Variants in RNF111 observed in about 807,000 individuals in gnomAD.
The protein encoded by RNF111 is ring finger protein 111.
RNF111 carries 17 observed loss-of-function variants against 95.1 expected under a neutral mutation model. That is an observed-to-expected ratio of 0.18 (90% confidence interval 0.12 to 0.27). The LOEUF is 0.27. Among genes scored for constraint, RNF111 ranks in the 10% least tolerant of loss-of-function variants. RNF111 has a pLI of 1.00. For synonymous variants in RNF111, 440 were observed against 414.8 expected (o/e 1.06, Z -0.74); for missense variants, 1,189 against 1,210.4 (o/e 0.98, Z 0.26).
At chr15:59,022,583 G>A (rs2040398736) in intron 1 of RNF111, among the ~76,000 whole-genome samples, 1 of 152,186 alleles carries the variant, frequency 6.6e-6, no homozygotes, top group Non-Finnish European at 1.5e-5. Flanking sequence ...CCCTTGTGCA[G>A]TCCTCTTTTA....
chr15:59,002,717 T>C (rs1405270071), intron 1 of RNF111, among the ~76,000 whole-genome samples: 2 of 152,232 alleles, frequency 1.3e-5, no homozygotes, highest in Non-Finnish European at 2.9e-5. Flanking sequence ...CACAGTTCCC[T>C]ACAGGCTCTA....
At chr15:59,007,588 T>C (rs1567206072) in intron 1 of RNF111, among the ~76,000 whole-genome samples, 1 of 152,194 alleles carries the variant, frequency 6.6e-6, no homozygotes, top group Non-Finnish European at 1.5e-5. Flanking sequence ...GATCATACGT[T>C]AGATGTGTGC....
At chr15:58,996,050 A>G (rs1381502919) in intron 1 of RNF111, among the ~76,000 whole-genome samples, 2 of 152,138 alleles carry the variant, frequency 1.3e-5, no homozygotes, top group African/African-American at 4.8e-5. Flanking sequence ...CGTAAGACTC[A>G]GCAACTTATT....
At chr15:59,081,349 C>T in intron 8 of RNF111, 65 bp downstream of exon 8, 1 of 1,375,232 alleles carries the variant, frequency 7.3e-7, no homozygotes, top group Non-Finnish European at 1.0e-6. Context: ...TTGGTCTTTA[C>T]AACTCTGAAA....
intron 12 of RNF111, among the ~76,000 whole-genome samples, chr15:59,091,900 C>T (rs1174781564): frequency 6.6e-6 from 1 of 152,172 alleles, no homozygotes; most frequent in African/African-American, 2.4e-5. Context: ...AGGGTTCACG[C>T]TTCTATGAGA....
At chr15:59,073,491 A>AAAT (rs201011939) in intron 6 of RNF111, among the ~76,000 whole-genome samples, 6 of 139,692 alleles carry the variant, frequency 4.3e-5, no homozygotes, top group African/African-American at 1.7e-4. Context: ...CAAAAAAAAA[A>AAAT]AAAATAAATA....
At chr15:59,040,327 T>G (rs1217236742) in intron 2 of RNF111, among the ~76,000 whole-genome samples, 2 of 152,052 alleles carry the variant, frequency 1.3e-5, no homozygotes, top group African/African-American at 4.8e-5. Context: ...GAGATCTTCT[T>G]AACGTTGCCC....
At chr15:59,045,753 C>G (rs2041679012) in intron 2 of RNF111, among the ~76,000 whole-genome samples, 1 of 152,224 alleles carries the variant, frequency 6.6e-6, no homozygotes, top group Non-Finnish European at 1.5e-5. Flanking sequence ...AGTAACATGT[C>G]TGCAAAGTCA....
rs1470024357 is a variant in RNF111, at chr15:59,080,951, G to A, written c.1964G>A (p.Arg655Lys). The A allele has an allele frequency of 1.2e-6, 2 of 1,611,268 alleles. No homozygotes were observed. The highest frequency in any genetic ancestry group is 1.7e-6 in the Non-Finnish European group (2 of 1,178,528). The change falls in exon 8 of 14, where the codon AGG (arginine) becomes AAG (lysine). Residue 655 changes from arginine (R) to lysine (K), a missense_variant. This residue lies in a region of RNF111 where 1,024 missense variants were observed against 925.9 expected (regional missense o/e 1.11). Coordinates refer to ENST00000348370, the MANE Select transcript of RNF111 (RefSeq NM_017610.8). ...YMPPPYASLT[R>K]PLHHQASACP... ...TTTCTTGCAGATGCCTCTTTGACAA[G>A]GCCACTTCATCATCAAGCTTCTGCC...
intron 6 of RNF111, among the ~76,000 whole-genome samples, chr15:59,074,721 G>A (rs1413350896): frequency 3.3e-5 from 5 of 152,194 alleles, no homozygotes; most frequent in African/African-American, 1.2e-4. Flanking sequence ...GTGTTCACTG[G>A]AGTGCTTTCA....
At chr15:58,989,123 C>T (rs2141333213) in intron 1 of RNF111, among the ~76,000 whole-genome samples, 1 of 152,172 alleles carries the variant, frequency 6.6e-6, no homozygotes, top group Admixed American at 6.5e-5. Context: ...ACTTCTGTAA[C>T]GCTGGACTTA....
intron 1 of RNF111, among the ~76,000 whole-genome samples, chr15:59,015,220 T>C (rs1451221659): frequency 3.3e-5 from 5 of 152,236 alleles, no homozygotes; most frequent in Non-Finnish European, 7.3e-5. Context: ...TAAAATATGA[T>C]GGATAAGATA....
In RNF111 at chr15:59,069,994, A is replaced by G. The variant is rs1240735195; in HGVS notation, c.1686+2911A>G. Among the ~76,000 whole-genome samples the G allele has an allele frequency of 2.2e-4, 14 of 63,664 alleles. No homozygotes were observed. The Admixed American group carries it at 2.7e-3, about 12-fold the overall frequency. 41.8% of individuals were successfully genotyped at this position (63,664 alleles called of 152,430 possible). A position where few individuals can be genotyped will look rare whatever the true frequency, so the allele number is the denominator to read the frequency against. On this transcript the variant is annotated intron_variant, in intron 6 of 13. Coordinates refer to ENST00000348370, the MANE Select transcript of RNF111 (RefSeq NM_017610.8). Reference sequence around the variant, plus strand: ...TTTCATCCCTACCCACCCCTGCCACACCATCCCCACCCCCCAACCCCACCC... The same window carrying G: ...TTTCATCCCTACCCACCCCTGCCACGCCATCCCCACCCCCCAACCCCACCC...
intron 1 of RNF111, among the ~76,000 whole-genome samples, chr15:59,015,228 A>G (rs1304891670): frequency 1.3e-5 from 2 of 152,236 alleles, no homozygotes; most frequent in African/African-American, 2.4e-5. Context: ...GATGGATAAG[A>G]TAGAAGTCAC....
At chr15:59,014,603 C>T (rs1374483168) in intron 1 of RNF111, among the ~76,000 whole-genome samples, 2 of 152,058 alleles carry the variant, frequency 1.3e-5, no homozygotes, top group Non-Finnish European at 2.9e-5. Flanking sequence ...GTTTTAGGGG[C>T]AAGCACATAG....
chr15:59,085,866 T>C (rs1566943903), intron 10 of RNF111, 81 bp downstream of exon 10: 2 of 1,147,278 alleles, frequency 1.7e-6, no homozygotes, highest in Non-Finnish European at 2.5e-6. Context: ...CTTCACTATA[T>C]TAATATAGAT....
At chr15:59,040,848 G>A (rs957746137) in intron 2 of RNF111, among the ~76,000 whole-genome samples, 2 of 151,888 alleles carry the variant, frequency 1.3e-5, no homozygotes, top group East Asian at 3.9e-4. Flanking sequence ...TTTATTTCAG[G>A]GTTGGCTTTT....
At chr15:59,083,288 C>G (rs1291116309) in intron 8 of RNF111, among the ~76,000 whole-genome samples, 1 of 152,152 alleles carries the variant, frequency 6.6e-6, no homozygotes, top group Non-Finnish European at 1.5e-5. Context: ...TGGCTCATGT[C>G]TGTAATCCCA....
rs2078836987 is a variant in RNF111, at chr15:59,084,390, C to T, written c.2423+136C>T. 5 of 836,392 alleles carry T rather than the reference C, an allele frequency of 6.0e-6. No individual in the cohort carries two copies. In the Admixed American group the frequency reaches 1.4e-4, roughly 24 times the overall value. 51.8% of individuals were successfully genotyped at this position (836,392 alleles called of 1,614,324 possible). ...ATCCCCAGTTTAACTGAGACACTGC[C>T]TCTGGGCAGATAGAGGTTTGGAGAG... On this transcript the variant is annotated intron_variant, in intron 9 of 13. Coordinates refer to ENST00000348370, the MANE Select transcript of RNF111 (RefSeq NM_017610.8).
Sources: gnomAD v4.1 joint callset for allele counts (sites outside exome capture counted in the v4.1 genomes callset) on GRCh38, gnomAD v4.1.1 for gene constraint, gnomAD v4.1.1 regional missense constraint, MANE v1.5 for transcripts, NCBI Gene and HGNC (gene_info 2026-07-23, HGNC 2026-07-21) for gene names.